BABAM2: variants seen among roughly 807,000 people sequenced by gnomAD.
BABAM2 encodes BRISC and BRCA1-A complex member 2.
Under a neutral mutation model 54.7 loss-of-function variants are expected in BABAM2, and 31 were observed. The ratio of observed to expected loss-of-function variants is 0.57; its 90% CI spans 0.43 to 0.77. The LOEUF (loss-of-function observed/expected upper bound fraction) is 0.77, where lower values mean the gene tolerates loss of function less well. BABAM2 is among the 30% of genes least tolerant of loss of function. BABAM2 has a pLI of 0.00. For synonymous variants in BABAM2, 167 were observed against 162.9 expected (o/e 1.03, Z -0.19); for missense variants, 364 against 455.8 (o/e 0.80, Z 1.83).
At chr2:27,890,397 G>A (rs780350201), upstream of BABAM2, 19 of 1,546,270 alleles carry the variant, frequency 1.2e-5, no homozygotes, top group South Asian at 1.4e-4. The surrounding 1 kb of genome is among the most constrained non-coding windows in gnomAD (Gnocchi z 4.8). Flanking sequence ...CCCTTTGCCC[G>A]ACCCCGTAAC....
intron 6 of BABAM2, among the ~76,000 whole-genome samples, chr2:28,122,651 T>C (rs997639458): frequency 2.0e-5 from 3 of 152,224 alleles, no homozygotes; most frequent in African/African-American, 7.2e-5. Context: ...GTACCTATAT[T>C]GACACTAATG....
chr2:28,228,121 A>G (rs1487517110), intron 7 of BABAM2, among the ~76,000 whole-genome samples: 2 of 152,230 alleles, frequency 1.3e-5, no homozygotes, highest in African/African-American at 2.4e-5. Flanking sequence ...GCACTTTGGA[A>G]ACCTGTGCTA....
chr2:28,177,914 A>G (rs1675185144), intron 7 of BABAM2, among the ~76,000 whole-genome samples: 1 of 152,144 alleles, frequency 6.6e-6, no homozygotes, highest in African/African-American at 2.4e-5. Flanking sequence ...GTCATTATAT[A>G]ATAATAAAAA....
intron 7 of BABAM2, among the ~76,000 whole-genome samples, chr2:28,148,971 G>T (rs576966475): frequency 6.6e-6 from 1 of 152,240 alleles, no homozygotes; most frequent in South Asian, 2.1e-4. Context: ...GCTCAAACTG[G>T]GTGTGGGGCT....
rs181174790 is a variant in BABAM2 at position 28,265,207 on chromosome 2, C to T, written c.934+20345C>T. Among the ~76,000 whole-genome samples the T allele has an allele frequency of 5.0e-3, 762 of 152,122 alleles. 1 individual carries two copies. Among genetic ancestry groups the T allele is most frequent in the Middle Eastern group, 0.01 (3 of 294 alleles). On this transcript the variant is annotated intron_variant, in intron 10 of 11. Transcript: ENST00000379624. ...ATCCCAGCACTTTGGGAGGCCGAGGCGGAGGATCACCTGAGGTCAGGAGTT... is the reference window on the plus strand; with the variant it reads ...ATCCCAGCACTTTGGGAGGCCGAGGTGGAGGATCACCTGAGGTCAGGAGTT...
chr2:28,216,107 TA>T (rs1249849848), intron 7 of BABAM2, among the ~76,000 whole-genome samples: 2 of 152,248 alleles, frequency 1.3e-5, no homozygotes, highest in Non-Finnish European at 2.9e-5. Flanking sequence ...TTCTTCTAAT[TA>T]AACTTTATTT....
At chr2:27,909,195 C>T (rs548590482) in intron 2 of BABAM2, among the ~76,000 whole-genome samples, 112 of 152,134 alleles carry the variant, frequency 7.4e-4, no homozygotes, top group African/African-American at 2.5e-3. Flanking sequence ...CAGGCATGTG[C>T]CACCATACCT....
intron 11 of BABAM2, among the ~76,000 whole-genome samples, chr2:28,324,621 T>C (rs1690289087): frequency 6.9e-6 from 1 of 144,708 alleles, no homozygotes; most frequent in African/African-American, 2.6e-5. Context: ...CAAGACCCCA[T>C]CTCTACAAAA....
intron 3 of BABAM2, among the ~76,000 whole-genome samples, chr2:27,937,580 A>G (rs570212254): frequency 7.2e-5 from 11 of 152,136 alleles, no homozygotes; most frequent in Non-Finnish European, 1.0e-4. Context: ...GATGTTGAAC[A>G]TTTTTTCATA....
At chr2:28,213,193 C>T (rs1351534501) in intron 7 of BABAM2, among the ~76,000 whole-genome samples, 1 of 151,616 alleles carries the variant, frequency 6.6e-6, no homozygotes, top group Non-Finnish European at 1.5e-5. Flanking sequence ...TGCTACTGGA[C>T]TCCACCTGGG....
intron 4 of BABAM2, among the ~76,000 whole-genome samples, chr2:28,019,213 G>GTA (rs1181815679): frequency 3.3e-5 from 5 of 152,122 alleles, no homozygotes; most frequent in Non-Finnish European, 7.3e-5. Context: ...GTATTCCATG[G>GTA]TATATATATG....
chr2:28,136,200 A>T (rs1259939182), intron 7 of BABAM2, among the ~76,000 whole-genome samples: 1 of 152,150 alleles, frequency 6.6e-6, no homozygotes, highest in Admixed American at 6.5e-5. Flanking sequence ...CCTCCCCCAC[A>T]GGGTCCGTTA....
intron 7 of BABAM2, among the ~76,000 whole-genome samples, chr2:28,157,899 G>A (rs534710413): frequency 5.3e-5 from 8 of 152,108 alleles, no homozygotes; most frequent in East Asian, 1.9e-4. Flanking sequence ...ATGAGCTACC[G>A]TGCCCAGCCA....
At chr2:28,220,187 A>G (rs1680272134) in intron 7 of BABAM2, among the ~76,000 whole-genome samples, 1 of 152,120 alleles carries the variant, frequency 6.6e-6, no homozygotes, top group Admixed American at 6.5e-5. Flanking sequence ...CAGCAGCGGA[A>G]TGTGTGGGTT....
chr2:27,889,049 T>C (rs1043495359), upstream of BABAM2, among the ~76,000 whole-genome samples: 1 of 152,252 alleles, frequency 6.6e-6, no homozygotes, highest in Non-Finnish European at 1.5e-5. Flanking sequence ...TTGTTGCTTC[T>C]TCTCGTTACA....
intron 3 of BABAM2, among the ~76,000 whole-genome samples, chr2:27,961,722 C>CTTTTTT (rs5830058): frequency 2.0e-5 from 2 of 99,090 alleles, no homozygotes; most frequent in African/African-American, 4.0e-5. Flanking sequence ...CCTTAATTAT[C>CTTTTTT]TTTTTTTTTT....
intron 10 of BABAM2, among the ~76,000 whole-genome samples, chr2:28,260,971 T>C (rs1684455102): frequency 7.0e-6 from 1 of 142,998 alleles, no homozygotes; most frequent in African/African-American, 2.6e-5. Flanking sequence ...AGATGACGTC[T>C]CACTCTATTA....
In BABAM2 at chr2:28,028,973, G is replaced by T. The variant is rs1676100567; in HGVS notation, c.495+3553G>T. ...GTAGAGACGGGATTTCACTATATTG[G>T]TCAGGCTGGTCTTGAATTCATGACC... is the stretch of plus-strand genomic sequence containing the variant. On this transcript the variant is annotated intron_variant, in intron 5 of 11. Transcript: ENST00000379624. Among the ~76,000 whole-genome samples the T allele has an allele frequency of 2.0e-5, 3 of 152,188 alleles. No individual in the cohort carries two copies. The South Asian group carries it at 6.2e-4, about 32-fold the overall frequency.
At chr2:28,112,146 T>TTTCTTTCTTTCCTTCC (rs1344247281) in intron 6 of BABAM2, among the ~76,000 whole-genome samples, 205 of 10,552 alleles carry the variant, frequency 0.019, 53 homozygotes, top group Admixed American at 0.027. Context: ...TCTTTCTTTC[T>TTTCTTTCTTTCCTTCC]TTACCTCCCT....
Sources: gnomAD v4.1 joint callset for allele counts (sites outside exome capture counted in the v4.1 genomes callset) on GRCh38, gnomAD v4.1.1 for gene constraint, Gnocchi (gnomAD v3.1) non-coding constraint, MANE v1.5 for transcripts, NCBI Gene and HGNC (gene_info 2026-07-23, HGNC 2026-07-21) for gene names.